The following PPM1D variants were observed in gnomAD, a reference collection of about 807,000 sequenced individuals.
PPM1D encodes protein phosphatase 1D.
PPM1D carries 52 observed loss-of-function variants against 58.3 expected under a neutral mutation model. The ratio of observed to expected loss-of-function variants is 0.89; its 90% CI spans 0.71 to 1.12. The LOEUF is 1.12. PPM1D is among the 50% of genes most tolerant of loss of function. The probability of loss-of-function intolerance (pLI) is 0.00; values close to 1 mark genes in which losing one functional copy is unlikely to be tolerated. For missense variants in PPM1D, 564 were observed against 777.2 expected, an observed-to-expected ratio of 0.73 and a Z score of 3.26; for synonymous variants, 278 against 285.1, an observed-to-expected ratio of 0.98 and a Z score of 0.25.
intron 3 of PPM1D, among the ~76,000 whole-genome samples, chr17:60,645,556 G>GTGTGTGTATATATGTATATATATA (rs2031228313): frequency 1.7e-5 from 2 of 120,332 alleles, no homozygotes; most frequent in African/African-American, 8.6e-5. Flanking sequence ...GTATATATAT[G>GTGTGTGTATATATGTATATATATA]TGTGTGTATA....
rs747326663 is a variant in PPM1D at position 60,663,154 on chromosome 17, C to T, written c.1420C>T (p.Leu474Phe). 21 of 1,613,990 alleles carry T rather than the reference C, an allele frequency of 1.3e-5. No homozygotes were observed. Among genetic ancestry groups the T allele is most frequent in the African/African-American group, 1.3e-5 (1 of 74,900 alleles). Reference protein sequence around the residue: ...VVIPSKDPEPLEENCAKALTL... With the variant: ...VVIPSKDPEPFEENCAKALTL... ...CATACCCTCAAAAGATCCAGAACCA[C>T]TTGAAGAAAATTGCGCTAAAGCCCT... Residue 474 changes from leucine (L) to phenylalanine (F), a missense_variant, in exon 6 of 6, where the codon CTT (leucine) becomes TTT (phenylalanine). Leu to Phe is a conservative substitution (Grantham distance 22, BLOSUM62 0). Around this residue, in one of 7 missense-constraint regions of PPM1D, gnomAD observed 261 missense variants for 270.1 expected, o/e 0.97. Coordinates refer to ENST00000305921, the MANE Select transcript of PPM1D (RefSeq NM_003620.4).
intron 1 of PPM1D, among the ~76,000 whole-genome samples, chr17:60,615,955 A>G (rs973266946): frequency 6.6e-6 from 1 of 152,100 alleles, no homozygotes; most frequent in East Asian, 1.9e-4. Context: ...CCTCACAAGT[A>G]GCTGGGACTG....
At chr17:60,638,314 A>G (rs993526317) in intron 3 of PPM1D, among the ~76,000 whole-genome samples, 2 of 152,152 alleles carry the variant, frequency 1.3e-5, no homozygotes, top group South Asian at 4.1e-4. Context: ...TTTAATATTT[A>G]AGCTAAAAAG....
chr17:60,652,770 G>A (rs1367935907), intron 4 of PPM1D, among the ~76,000 whole-genome samples: 1 of 151,928 alleles, frequency 6.6e-6, no homozygotes, highest in East Asian at 1.9e-4. Context: ...GTGATGTTGA[G>A]CATTTTTTCA....
intron 1 of PPM1D, among the ~76,000 whole-genome samples, chr17:60,608,010 C>A (rs116267374): frequency 0.012 from 1,765 of 152,246 alleles, 34 homozygotes; most frequent in African/African-American, 0.04. Context: ...TTGGAGAAAC[C>A]TCTTAAACTA....
chr17:60,644,383 G>A (rs1259549845), intron 3 of PPM1D, among the ~76,000 whole-genome samples: 1 of 152,024 alleles, frequency 6.6e-6, no homozygotes, highest in Non-Finnish European at 1.5e-5. Context: ...CAATCCTCCT[G>A]TCTCCACCTC....
chr17:60,659,780 G>A (rs1480092794), intron 5 of PPM1D, among the ~76,000 whole-genome samples: 1 of 152,166 alleles, frequency 6.6e-6, no homozygotes, highest in Non-Finnish European at 1.5e-5. Context: ...GTACATCTAA[G>A]AAGTCTAAAC....
intron 1 of PPM1D, among the ~76,000 whole-genome samples, chr17:60,617,830 A>G (rs2143644182): frequency 6.6e-6 from 1 of 152,310 alleles, no homozygotes; most frequent in South Asian, 2.1e-4. Flanking sequence ...ACTTCAATGA[A>G]TAATTATAAA....
Position 60,662,996 on chromosome 17 carries a change from C to T in PPM1D, c.1262C>T (p.Ser421Leu), listed in dbSNP as rs2031551111. 6.3e-7 allele frequency: 1 copy of T among 1,587,280 alleles called. No homozygotes were observed. Among genetic ancestry groups the T allele is most frequent in the Non-Finnish European group, 8.6e-7 (1 of 1,168,238 alleles). Residue 421 changes from serine (S) to leucine (L), a missense_variant and splice_region_variant, in exon 6 of 6, where the codon TCA becomes TTA. Physicochemically the swap from Ser to Leu is moderately radical, Grantham distance 145. Around this residue, in one of 7 missense-constraint regions of PPM1D, gnomAD observed 261 missense variants for 270.1 expected, o/e 0.97. Coordinates refer to ENST00000305921, the MANE Select transcript of PPM1D (RefSeq NM_003620.4). Reference sequence around the variant, plus strand: ...TTGTTTTACCTTCTTATTTTTCAGTCACTGGAGGAGGATCCATGGCCAAGG... The same window carrying T: ...TTGTTTTACCTTCTTATTTTTCAGTTACTGGAGGAGGATCCATGGCCAAGG... ...PSPCSTPPVK[S>L]LEEDPWPRVN...
chr17:60,609,555 T>C (rs1487189239), intron 1 of PPM1D, among the ~76,000 whole-genome samples: 1 of 152,246 alleles, frequency 6.6e-6, no homozygotes, highest in African/African-American at 2.4e-5. Context: ...ACTTGTGTGC[T>C]GTTGGGAGTA....
At chr17:60,602,394 T>A (rs1194322466) in intron 1 of PPM1D, among the ~76,000 whole-genome samples, 1 of 152,130 alleles carries the variant, frequency 6.6e-6, no homozygotes. Context: ...AAAAAATCTT[T>A]AAGGTATAAA....
intron 5 of PPM1D, among the ~76,000 whole-genome samples, chr17:60,657,557 A>AG (rs1223707826): frequency 3.3e-5 from 5 of 152,182 alleles, no homozygotes; most frequent in Non-Finnish European, 7.4e-5. Context: ...TGGGAAATGT[A>AG]GGGAAATCTA....
At chr17:60,648,759 T>C (rs1437512034) in intron 4 of PPM1D, among the ~76,000 whole-genome samples, 1 of 128,250 alleles carries the variant, frequency 7.8e-6, no homozygotes, top group Admixed American at 7.6e-5. Context: ...CCACTACTAC[T>C]TTTTTTTTTT....
At chr17:60,634,038 TAAAAG>T (rs1180818330) in intron 3 of PPM1D, 61 bp downstream of exon 3, 54 of 1,565,104 alleles carry the variant, frequency 3.5e-5, no homozygotes, top group East Asian at 6.8e-5. Context: ...GGTGGCAAAA[TAAAAG>T]AGGAGACAGA....
intron 4 of PPM1D, among the ~76,000 whole-genome samples, chr17:60,655,091 T>C (rs563288299): frequency 6.6e-6 from 1 of 152,360 alleles, no homozygotes; most frequent in South Asian, 2.1e-4. Flanking sequence ...TTCTTTATAC[T>C]ATAAGCAGTT....
chr17:60,639,219 G>A (rs1315938868), intron 3 of PPM1D, among the ~76,000 whole-genome samples: 1 of 151,754 alleles, frequency 6.6e-6, no homozygotes, highest in Non-Finnish European at 1.5e-5. Flanking sequence ...AGGTTCAAGC[G>A]ATTCTCCTGC....
chr17:60,655,320 T>C (rs1209506283), intron 4 of PPM1D, among the ~76,000 whole-genome samples: 1 of 152,232 alleles, frequency 6.6e-6, no homozygotes, highest in African/African-American at 2.4e-5. Context: ...GTGAATTATG[T>C]TTTCTTAAAT....
intron 3 of PPM1D, among the ~76,000 whole-genome samples, chr17:60,644,312 T>A (rs2031195068): frequency 6.6e-6 from 1 of 152,034 alleles, no homozygotes; most frequent in Non-Finnish European, 1.5e-5. Flanking sequence ...AAAGTTTTTT[T>A]AAAAATAAAG....
intron 3 of PPM1D, among the ~76,000 whole-genome samples, chr17:60,645,646 G>GTATATATATATATATATA (rs544614194): frequency 1.6e-5 from 2 of 126,574 alleles, no homozygotes; most frequent in African/African-American, 6.9e-5. Flanking sequence ...GTGTGTGTGT[G>GTATATATATATATATATA]TATATATATA....
Sources: allele counts gnomAD v4.1 joint callset (sites outside exome capture counted in the v4.1 genomes callset), GRCh38; gene constraint gnomAD v4.1.1; regional missense constraint gnomAD v4.1.1; transcripts MANE v1.5; gene names NCBI Gene and HGNC (gene_info 2026-07-23, HGNC 2026-07-21).